The following CEP135 variants were observed in gnomAD, a reference collection of about 807,000 sequenced individuals.
CEP135 encodes centrosomal protein of 135 kDa.
A neutral mutation model predicts 157.3 loss-of-function variants in CEP135; 142 were observed. The observed-to-expected ratio is 0.90, with a 90% confidence interval of 0.79 to 1.04. The LOEUF is 1.04. Among genes scored for constraint, CEP135 ranks in the 50% least tolerant of loss-of-function variants. The probability of loss-of-function intolerance (pLI) is 0.00; values close to 1 mark genes in which losing one functional copy is unlikely to be tolerated. For missense variants in CEP135, 1,317 were observed against 1,309.2 expected, an observed-to-expected ratio of 1.01 and a Z score of -0.09; for synonymous variants, 396 against 439.8, an observed-to-expected ratio of 0.90 and a Z score of 1.25.
intron 3 of CEP135, 53 bp from the exon 4 acceptor site, chr4:55,954,163 T>A: frequency 6.8e-7 from 1 of 1,472,110 alleles, no homozygotes; most frequent in Non-Finnish European, 9.1e-7. Flanking sequence ...ATGGAAAAAC[T>A]TCATTGGATT....
In CEP135 at chr4:55,974,795, A is replaced by G. The variant is rs751769817; in HGVS notation, c.1299A>G (p.Ile433Met). Residue 433 changes from isoleucine to methionine, a missense_variant, in exon 11 of 26, where the codon ATA becomes ATG. Coordinates refer to ENST00000257287, the MANE Select transcript of CEP135 (RefSeq NM_025009.5). Reference protein sequence around the residue: ...EVERMRLEHGIKRRDRSPSRL... With the variant: ...EVERMRLEHGMKRRDRSPSRL... ...AGAGGATGAGACTAGAACATGGAAT[A>G]AAACGTCGAGACAGGTCACCTTCTC... 9 of 1,613,914 alleles carry G rather than the reference A, an allele frequency of 5.6e-6. No homozygotes were observed. The highest frequency in any genetic ancestry group is 7.6e-6 in the Non-Finnish European group (9 of 1,179,872).
chr4:56,015,224 A>G (rs530191299), intron 21 of CEP135, among the ~76,000 whole-genome samples: 11 of 152,350 alleles, frequency 7.2e-5, no homozygotes, highest in African/African-American at 2.6e-4. Flanking sequence ...AGGAACAGAA[A>G]TGGGATGAAA....
chr4:55,954,328 T>A lies in CEP135; in HGVS notation c.417T>A (p.Asn139Lys). 6.2e-7 allele frequency: 1 copy of A among 1,609,700 alleles called. No individual in the cohort carries two copies. The highest frequency in any genetic ancestry group is 8.5e-7 in the Non-Finnish European group (1 of 1,178,566). Residue 139 changes from asparagine (N) to lysine (K), a missense_variant, in exon 4 of 26, where the codon AAT becomes AAA. Asn to Lys is a moderately conservative substitution (Grantham distance 94, BLOSUM62 0). Transcript: ENST00000257287. The part of the protein sequence containing the change: ...KLLEKESKAK[N>K]ERIQQLQEKN... The stretch of plus-strand genomic sequence containing the variant: ...TGGAGAAAGAGAGCAAAGCTAAGAA[T>A]GAAAGAATTCAACAACTTCAAGAAA...
intron 21 of CEP135, 30 bp from the exon 22 acceptor site, chr4:56,017,618 C>A: frequency 1.3e-6 from 2 of 1,536,308 alleles, no homozygotes; most frequent in South Asian, 1.2e-5. Context: ...GTTATTTTAA[C>A]TTTTTACTTG....
intron 13 of CEP135, among the ~76,000 whole-genome samples, chr4:55,984,073 T>G (rs141325570): frequency 8.5e-5 from 13 of 152,352 alleles, no homozygotes; most frequent in Admixed American, 8.5e-4. Flanking sequence ...AATCGATATT[T>G]CACACTGAAG....
chr4:55,954,165 C>A (rs2109640724), intron 3 of CEP135, 51 bp from the exon 4 acceptor site: 5 of 1,472,262 alleles, frequency 3.4e-6, no homozygotes, highest in Non-Finnish European at 4.5e-6. Context: ...GGAAAAACTT[C>A]ATTGGATTTC....
chr4:55,990,008 A>G (rs1377288011), intron 14 of CEP135, among the ~76,000 whole-genome samples: 1 of 152,188 alleles, frequency 6.6e-6, no homozygotes, highest in African/African-American at 2.4e-5. Flanking sequence ...ATTTATTTAC[A>G]TATTGTCTGT....
intron 18 of CEP135, among the ~76,000 whole-genome samples, chr4:56,008,874 T>G (rs1319709633): frequency 6.6e-6 from 1 of 152,190 alleles, no homozygotes; most frequent in Non-Finnish European, 1.5e-5. Context: ...AATAAATATT[T>G]GCCAATTGAA....
chr4:56,008,409 G>C (rs1435735660), intron 18 of CEP135, 27 bp downstream of exon 18: 13 of 1,565,200 alleles, frequency 8.3e-6, no homozygotes, highest in Non-Finnish European at 1.1e-5. Context: ...ATTACATCCA[G>C]CTTTTTAGGA....
chr4:55,998,366 C>T (rs575186429), intron 15 of CEP135, among the ~76,000 whole-genome samples: 3 of 152,148 alleles, frequency 2.0e-5, no homozygotes, highest in Non-Finnish European at 4.4e-5. Flanking sequence ...CTTCCAGGAA[C>T]GTTACTTCTG....
At chr4:56,008,201 G>C (rs1386710424) in intron 17 of CEP135, 126 bp from the exon 18 acceptor site, 1 of 644,542 alleles carries the variant, frequency 1.6e-6, no homozygotes, top group Non-Finnish European at 2.7e-6. Flanking sequence ...TTTACTTGGA[G>C]CTTTGTTTTA....
chr4:56,028,252 G>T lies in CEP135; in HGVS notation c.*12-3108G>T, dbSNP rs148390968. The stretch of plus-strand genomic sequence containing the variant: ...TAGTATATACCTGAGACTAGAATTG[G>T]TGGGTCATATGGTAATTCTGTTAAA... On this transcript the variant is annotated intron_variant, in intron 25 of 25. Transcript: ENST00000257287. Among the ~76,000 whole-genome samples the T allele has an allele frequency of 8.7e-4, 133 of 152,238 alleles. 1 individual carries two copies. Among genetic ancestry groups the T allele is most frequent in the African/African-American group, 3.1e-3 (129 of 41,540 alleles).
chr4:56,016,087 A>T (rs1730765118), intron 21 of CEP135, among the ~76,000 whole-genome samples: 1 of 152,160 alleles, frequency 6.6e-6, no homozygotes. Context: ...AAATTTAGAT[A>T]CAGTACGTAC....
At chr4:56,020,618 A>C in intron 23 of CEP135, 58 bp from the exon 24 acceptor site, 1 of 1,379,196 alleles carries the variant, frequency 7.3e-7, no homozygotes, top group South Asian at 1.2e-5. Flanking sequence ...AAAAACCCAC[A>C]GCACCTGACT....
At chr4:56,024,984 C>G (rs1418394916) in intron 25 of CEP135, among the ~76,000 whole-genome samples, 1 of 151,814 alleles carries the variant, frequency 6.6e-6, no homozygotes, top group Non-Finnish European at 1.5e-5. Flanking sequence ...ACAAAAAATA[C>G]AAAAATTAGC....
chr4:55,953,396 T>C (rs1190866127), intron 3 of CEP135, 121 bp downstream of exon 3: 2 of 713,406 alleles, frequency 2.8e-6, no homozygotes, highest in Middle Eastern at 4.3e-4. Context: ...TACAGCTGGA[T>C]GGTGTGTGCC....
chr4:55,971,257 T>A lies in CEP135; in HGVS notation c.1111-13T>A, dbSNP rs763803448. 6.4e-7 allele frequency: 1 copy of A among 1,553,168 alleles called. No individual in the cohort carries two copies. Among genetic ancestry groups the A allele is most frequent in the Non-Finnish European group, 8.7e-7 (1 of 1,154,824 alleles). The stretch of plus-strand genomic sequence containing the variant: ...GTTGTTAGAAATCTTAATTATAGTA[T>A]TAAAATTTGCAGGAATTGAACTTAT... On this transcript the variant is annotated splice_polypyrimidine_tract_variant and intron_variant, in intron 9 of 25. Coordinates refer to ENST00000257287, the MANE Select transcript of CEP135 (RefSeq NM_025009.5).
rs534555820 is a variant in CEP135 at position 56,023,752 on chromosome 4, T to C, written c.3321-749T>C. On this transcript the variant is annotated intron_variant, in intron 24 of 25. Coordinates refer to ENST00000257287, the MANE Select transcript of CEP135 (RefSeq NM_025009.5). ...ATTGTATCATATATAGTATATCATA[T>C]ATAGTATATTATATATAGTATATTG... 4.9e-3 allele frequency among the ~76,000 whole-genome samples: 703 copies of C among 142,826 alleles called. 6 individuals carry two copies. Among genetic ancestry groups the C allele is most frequent in the African/African-American group, 0.015 (605 of 39,108 alleles). 93.7% of individuals were successfully genotyped at this position (142,826 alleles called of 152,430 possible).
chr4:55,990,310 G>A (rs1729742293), intron 14 of CEP135, among the ~76,000 whole-genome samples: 1 of 152,116 alleles, frequency 6.6e-6, no homozygotes, highest in African/African-American at 2.4e-5. Flanking sequence ...TGCTTTCAGA[G>A]GGAGGGGAGA....
Sources: allele counts gnomAD v4.1 joint callset (sites outside exome capture counted in the v4.1 genomes callset), GRCh38; gene constraint gnomAD v4.1.1; transcripts MANE v1.5; gene names NCBI Gene and HGNC (gene_info 2026-07-23, HGNC 2026-07-21).